The following B4GALT5 variants were observed in gnomAD, a reference collection of about 807,000 sequenced individuals.
The protein encoded by B4GALT5 is UDP-Gal:beta-GlcNAc beta-1,4-galactosyltransferase 5.
A neutral mutation model predicts 45.0 loss-of-function variants in B4GALT5; 11 were observed. The ratio of observed to expected loss-of-function variants is 0.24; its 90% CI spans 0.15 to 0.40. The LOEUF (loss-of-function observed/expected upper bound fraction) is 0.40, where lower values mean the gene tolerates loss of function less well. Among genes scored for constraint, B4GALT5 ranks in the 10% least tolerant of loss-of-function variants. The probability of loss-of-function intolerance (pLI) is 1.00; values close to 1 mark genes in which losing one functional copy is unlikely to be tolerated. For missense variants in B4GALT5, 337 were observed against 500.2 expected, an observed-to-expected ratio of 0.67 and a Z score of 3.11; for synonymous variants, 185 against 182.9, an observed-to-expected ratio of 1.01 and a Z score of -0.09.
chr20:49,678,892 T>C (rs1397864893), intron 1 of B4GALT5, among the ~76,000 whole-genome samples: 1 of 152,052 alleles, frequency 6.6e-6, no homozygotes, highest in Non-Finnish European at 1.5e-5. Context: ...TTACTGGTAA[T>C]GGGGGCTGGG....
chr20:49,649,682 G>C (rs913481202), intron 2 of B4GALT5, among the ~76,000 whole-genome samples: 1 of 152,164 alleles, frequency 6.6e-6, no homozygotes, highest in East Asian at 1.9e-4. Flanking sequence ...CCTGGCCTGG[G>C]TTGAATCTTC....
intron 8 of B4GALT5, 104 bp downstream of exon 8, chr20:49,637,237 G>A (rs2085557949): frequency 1.0e-6 from 1 of 976,544 alleles, no homozygotes. Context: ...TCAGAACAGG[G>A]CCTCGGGGTG....
At chr20:49,660,601 T>C (rs1312183190) in intron 1 of B4GALT5, among the ~76,000 whole-genome samples, 1 of 152,234 alleles carries the variant, frequency 6.6e-6, no homozygotes, top group Non-Finnish European at 1.5e-5. Flanking sequence ...TTAATCTTTT[T>C]AGAGATGCTA....
At chr20:49,672,529 G>C (rs922195574) in intron 1 of B4GALT5, among the ~76,000 whole-genome samples, 8 of 151,810 alleles carry the variant, frequency 5.3e-5, no homozygotes, top group African/African-American at 1.7e-4. Flanking sequence ...CAGAATGCTG[G>C]ATTATTTTTC....
chr20:49,689,311 T>A (rs998105559), intron 1 of B4GALT5, among the ~76,000 whole-genome samples: 2 of 152,170 alleles, frequency 1.3e-5, no homozygotes, highest in Non-Finnish European at 2.9e-5. Context: ...ATGAAGAACC[T>A]GATAATTCTT....
At position 49,639,809 on chromosome 20, in the gene B4GALT5, A is replaced by C. The variant is rs745916163; in HGVS notation, c.795-9T>G. On this transcript the variant is annotated splice_polypyrimidine_tract_variant and intron_variant, in intron 6 of 8. Coordinates refer to ENST00000371711, the MANE Select transcript of B4GALT5 (RefSeq NM_004776.4). ...ACTCGGTATAAGGAAGCCTAGGAGG[A>C]GATGTGGGACATCAATCATCTGTGT... 5 of 1,612,034 alleles carry C rather than the reference A, an allele frequency of 3.1e-6. No individual in the cohort carries two copies. In the South Asian group the frequency reaches 5.5e-5, roughly 18 times the overall value.
chr20:49,656,227 T>G (rs1601252996), intron 2 of B4GALT5, among the ~76,000 whole-genome samples: 1 of 152,160 alleles, frequency 6.6e-6, no homozygotes, highest in Non-Finnish European at 1.5e-5. Flanking sequence ...CCCCTTCCCC[T>G]TCCACCAAGA....
chr20:49,700,843 G>C (rs1464716053), intron 1 of B4GALT5, among the ~76,000 whole-genome samples: 1 of 152,150 alleles, frequency 6.6e-6, no homozygotes, highest in Non-Finnish European at 1.5e-5. Flanking sequence ...TTTGTGAAAT[G>C]TTTATTTCTG....
intron 5 of B4GALT5, 90 bp downstream of exon 5, chr20:49,642,378 G>T: frequency 1.1e-6 from 1 of 946,970 alleles, no homozygotes; most frequent in Non-Finnish European, 1.6e-6. Flanking sequence ...CAGTTTTATT[G>T]GCTCTTCACA....
At chr20:49,637,276 T>C in intron 8 of B4GALT5, 65 bp downstream of exon 8, 1 of 1,433,336 alleles carries the variant, frequency 7.0e-7, no homozygotes, top group Admixed American at 1.7e-5. Context: ...TGTAATATGC[T>C]CTAAGATATC....
At chr20:49,673,558 T>C (rs1179790091) in intron 1 of B4GALT5, among the ~76,000 whole-genome samples, 1 of 152,102 alleles carries the variant, frequency 6.6e-6, no homozygotes, top group Non-Finnish European at 1.5e-5. Context: ...AATATGTTAT[T>C]TTGGGGATGG....
At chr20:49,637,250 G>C (rs1314942312) in intron 8 of B4GALT5, 91 bp downstream of exon 8, 1 of 1,120,960 alleles carries the variant, frequency 8.9e-7, no homozygotes. Context: ...TCGGGGTGGG[G>C]AGTAGGAGAA....
chr20:49,666,626 AC>A (rs751745332), intron 1 of B4GALT5, among the ~76,000 whole-genome samples: 37 of 152,214 alleles, frequency 2.4e-4, no homozygotes, highest in Non-Finnish European at 4.1e-4. Context: ...GCTCCCTCTC[AC>A]GCTCATGCTT....
At chr20:49,713,539 G>C in intron 1 of B4GALT5, 37 bp downstream of exon 1, 1 of 1,541,862 alleles carries the variant, frequency 6.5e-7, no homozygotes, top group Non-Finnish European at 8.8e-7. Context: ...CTCAAGGCCA[G>C]AGCGGCAGCC....
At chr20:49,685,572 G>A (rs1001190338) in intron 1 of B4GALT5, among the ~76,000 whole-genome samples, 8 of 152,120 alleles carry the variant, frequency 5.3e-5, no homozygotes, top group African/African-American at 9.7e-5. Context: ...AGTGCTCACC[G>A]GACAATCATT....
At chr20:49,685,427 C>G (rs1458211363) in intron 1 of B4GALT5, among the ~76,000 whole-genome samples, 1 of 152,110 alleles carries the variant, frequency 6.6e-6, no homozygotes, top group Admixed American at 6.6e-5. Flanking sequence ...CTCTGTGACC[C>G]AGACAGCCCA....
In B4GALT5 at chr20:49,713,873, C is replaced by A. The variant is rs1333276823; in HGVS notation, c.-183G>T. On this transcript the variant is annotated 5_prime_UTR_variant, in exon 1 of 9. Transcript: ENST00000371711. The stretch of plus-strand genomic sequence containing the variant: ...CAGCCGCCGGCCGTCGCGGGCCGGG[C>A]CACATGAAGCGGGCGGGGGCCAGAG... 6.8e-6 allele frequency: 1 copy of A among 148,132 alleles called. No individual in the cohort carries two copies. Among genetic ancestry groups the A allele is most frequent in the South Asian group, 1.8e-4 (1 of 5,618 alleles). The allele number at this position is 148,132 out of a possible 1,614,324, so 9.2% of individuals were successfully genotyped here.
intron 1 of B4GALT5, among the ~76,000 whole-genome samples, chr20:49,689,614 T>A (rs1423384468): frequency 6.6e-6 from 1 of 152,206 alleles, no homozygotes; most frequent in Non-Finnish European, 1.5e-5. Context: ...CCATCTTACT[T>A]TGTGACCTAT....
Position 49,665,684 on chromosome 20 carries a change from C to T in B4GALT5, c.116-8982G>A, listed in dbSNP as rs377352434. On this transcript the variant is annotated intron_variant, in intron 1 of 8. Coordinates refer to ENST00000371711, the MANE Select transcript of B4GALT5 (RefSeq NM_004776.4). ...AAGTAAGACACAGTCCCTGCCATCA[C>T]CTTGCAATGGAAGAATAGTCACGTT... Among the ~76,000 whole-genome samples, 12 of 149,610 alleles carry T rather than the reference C, an allele frequency of 8.0e-5. No homozygotes were observed. In the East Asian group the frequency reaches 2.3e-3, roughly 29 times the overall value.
Sources: gnomAD v4.1 joint callset for allele counts (sites outside exome capture counted in the v4.1 genomes callset) on GRCh38, gnomAD v4.1.1 for gene constraint, MANE v1.5 for transcripts, NCBI Gene and HGNC (gene_info 2026-07-23, HGNC 2026-07-21) for gene names.